SCFD2: variants seen among roughly 807,000 people sequenced by gnomAD.
SCFD2 encodes the protein sec1 family domain-containing protein 2.
A neutral mutation model predicts 58.9 loss-of-function variants in SCFD2; 54 were observed. The ratio of observed to expected loss-of-function variants is 0.92; its 90% CI spans 0.74 to 1.15. The LOEUF is 1.15. SCFD2 is among the 50% of genes most tolerant of loss of function. The pLI, the probability that SCFD2 is intolerant of heterozygous loss-of-function variation, is 0.00. For missense variants in SCFD2, 805 were observed against 836.6 expected (o/e 0.96, Z 0.47); for synonymous variants, 321 against 335.9 (o/e 0.96, Z 0.49).
At chr4:53,079,660 G>T (rs1724084078) in intron 5 of SCFD2, among the ~76,000 whole-genome samples, 1 of 152,174 alleles carries the variant, frequency 6.6e-6, no homozygotes, top group Admixed American at 6.5e-5. Context: ...AAACTAAAAA[G>T]TAACAGTGCT....
intron 1 of SCFD2, among the ~76,000 whole-genome samples, chr4:53,357,447 T>G (rs189487689): frequency 1.1e-4 from 17 of 152,102 alleles, no homozygotes; most frequent in Admixed American, 3.3e-4. Flanking sequence ...AAAGGAATTA[T>G]TTCATATTCT....
At chr4:53,326,841 G>A (rs991069341) in intron 2 of SCFD2, among the ~76,000 whole-genome samples, 15 of 151,966 alleles carry the variant, frequency 9.9e-5, no homozygotes, top group African/African-American at 3.6e-4. Flanking sequence ...TCATTAATCT[G>A]TATTTATTTT....
chr4:52,894,647 TC>T (rs1718957802), intron 7 of SCFD2, among the ~76,000 whole-genome samples: 1 of 152,218 alleles, frequency 6.6e-6, no homozygotes, highest in African/African-American at 2.4e-5. Context: ...AAGCTGTTTC[TC>T]CCTAGTTTGC....
chr4:53,040,273 A>G (rs1348493050), intron 5 of SCFD2, among the ~76,000 whole-genome samples: 3 of 152,190 alleles, frequency 2.0e-5, no homozygotes, highest in African/African-American at 7.2e-5. Context: ...CGCAGCATGT[A>G]ACTCAATATG....
In SCFD2 at chr4:53,365,077, T is replaced by C. The variant is rs368433139; in HGVS notation, c.838+27A>G. 16 of 1,595,330 alleles carry C rather than the reference T, an allele frequency of 1.0e-5. No individual in the cohort carries two copies. In the Middle Eastern group the frequency reaches 8.4e-4, roughly 84 times the overall value. On this transcript the variant is annotated intron_variant, in intron 1 of 8. Coordinates refer to ENST00000401642, the MANE Select transcript of SCFD2 (RefSeq NM_152540.4). The surrounding 1 kb of genome is among the most constrained non-coding windows in gnomAD (Gnocchi z 4.3). ...GTCCCAGCAATGTGGGGAATGGTAA[T>C]GAAGAACTCCAGAGCAATGCACTTA...
chr4:52,928,432 C>A (rs2109493965), intron 5 of SCFD2, among the ~76,000 whole-genome samples: 1 of 152,184 alleles, frequency 6.6e-6, no homozygotes, highest in East Asian at 1.9e-4. Context: ...CAGCAGGACA[C>A]CTCAGCAGGT....
Position 53,309,526 on chromosome 4 carries a change from C to T in SCFD2, c.1135+4110G>A, listed in dbSNP as rs549876707. ...CCAAATACAGTCAAGGGGATGTTGG[C>T]GGTGCAGGGAGGAGGAGTCAGGAGG... On this transcript the variant is annotated intron_variant, in intron 3 of 8. Coordinates refer to ENST00000401642, the MANE Select transcript of SCFD2 (RefSeq NM_152540.4). Among the ~76,000 whole-genome samples, 33 of 151,786 alleles carry T rather than the reference C, an allele frequency of 2.2e-4. No homozygotes were observed. The South Asian group carries it at 6.5e-3, about 30-fold the overall frequency.
intron 5 of SCFD2, among the ~76,000 whole-genome samples, chr4:53,041,588 T>C (rs1722902162): frequency 6.6e-6 from 1 of 152,124 alleles, no homozygotes; most frequent in Non-Finnish European, 1.5e-5. Flanking sequence ...TTTAGTTTTG[T>C]AAAAGTACTG....
At chr4:52,948,157 T>C (rs1720489601) in intron 5 of SCFD2, 1 of 186,052 alleles carries the variant, frequency 5.4e-6, no homozygotes, top group African/African-American at 2.4e-5. Flanking sequence ...GAGTGTAGTG[T>C]TGTAAATAAA....
intron 6 of SCFD2, among the ~76,000 whole-genome samples, chr4:52,919,696 C>T (rs1187481737): frequency 2.0e-5 from 3 of 152,194 alleles, no homozygotes; most frequent in Non-Finnish European, 4.4e-5. Context: ...AATAATAATG[C>T]CTCCCTGGCA....
chr4:52,909,062 T>C (rs1719418226), intron 6 of SCFD2, among the ~76,000 whole-genome samples: 1 of 152,164 alleles, frequency 6.6e-6, no homozygotes, highest in South Asian at 2.1e-4. Context: ...GAAAATACAC[T>C]CTTTTGATGA....
intron 4 of SCFD2, among the ~76,000 whole-genome samples, chr4:53,181,593 T>C (rs955618444): frequency 1.6e-4 from 24 of 152,114 alleles, no homozygotes; most frequent in African/African-American, 3.4e-4. Context: ...TGAAAACGGG[T>C]ACAAGACAGA....
intron 5 of SCFD2, among the ~76,000 whole-genome samples, chr4:52,939,008 T>C (rs1377379254): frequency 1.3e-5 from 2 of 152,164 alleles, no homozygotes; most frequent in East Asian, 3.9e-4. Context: ...CCCTTTTACC[T>C]GCCTCAGTGA....
At chr4:52,972,250 G>C (rs1325044652) in intron 5 of SCFD2, among the ~76,000 whole-genome samples, 1 of 152,144 alleles carries the variant, frequency 6.6e-6, no homozygotes, top group Non-Finnish European at 1.5e-5. Context: ...AGACCCATCA[G>C]TGTGCTGTAT....
chr4:52,947,428 T>C (rs940392552), intron 5 of SCFD2, among the ~76,000 whole-genome samples: 2 of 152,170 alleles, frequency 1.3e-5, no homozygotes, highest in East Asian at 3.8e-4. Context: ...AATCACAAAG[T>C]GAAGTGTGTA....
chr4:52,928,040 TA>T (rs1338325850), intron 5 of SCFD2, among the ~76,000 whole-genome samples: 7 of 152,090 alleles, frequency 4.6e-5, no homozygotes, highest in Non-Finnish European at 1.0e-4. Flanking sequence ...AGTTCTAACA[TA>T]AAAAAATTAT....
At chr4:53,182,188 C>T (rs1441239916) in intron 4 of SCFD2, among the ~76,000 whole-genome samples, 12 of 152,008 alleles carry the variant, frequency 7.9e-5, no homozygotes, top group South Asian at 2.1e-4. Context: ...AGAGCCCACA[C>T]TGCCAAGTCA....
At chr4:52,972,353 C>T (rs1003719753) in intron 5 of SCFD2, among the ~76,000 whole-genome samples, 3 of 152,050 alleles carry the variant, frequency 2.0e-5, no homozygotes, top group African/African-American at 7.2e-5. Context: ...CAAAAAAAGG[C>T]AAGGGTTGCA....
chr4:53,099,402 G>A (rs1193025464), intron 5 of SCFD2, among the ~76,000 whole-genome samples: 1 of 152,180 alleles, frequency 6.6e-6, no homozygotes, highest in East Asian at 1.9e-4. Context: ...CTAATGGGTA[G>A]TAATCTTTTG....
Sources: allele counts gnomAD v4.1 joint callset (sites outside exome capture counted in the v4.1 genomes callset), GRCh38; gene constraint gnomAD v4.1.1; non-coding constraint Gnocchi (gnomAD v3.1); transcripts MANE v1.5; gene names NCBI Gene and HGNC (gene_info 2026-07-23, HGNC 2026-07-21).